TRUB1: variants seen among roughly 807,000 people sequenced by gnomAD.
The protein encoded by TRUB1 is TruB pseudouridine synthase family member 1.
In TRUB1, 23 loss-of-function variants were observed where a neutral mutation model predicts 33.9. The observed-to-expected ratio is 0.68, with a 90% CI of 0.49 to 0.96. The LOEUF (loss-of-function observed/expected upper bound fraction) is 0.96. Ranked by LOEUF, TRUB1 falls within the 40% of genes least tolerant of loss-of-function variation. The pLI, the probability that TRUB1 is intolerant of heterozygous loss-of-function variation, is 0.00. For missense variants in TRUB1, 378 were observed against 422.2 expected, an observed-to-expected ratio of 0.90 and a Z score of 0.92; for synonymous variants, 163 against 165.4, an observed-to-expected ratio of 0.99 and a Z score of 0.11.
rs187459112 is a variant in TRUB1 at position 114,952,161 on chromosome 10, G to A, written c.441+1012G>A. On this transcript the variant is annotated intron_variant, in intron 3 of 7. Coordinates refer to ENST00000298746, the MANE Select transcript of TRUB1 (RefSeq NM_139169.5). ...AAGTATTAAAATAAAAGCCCTGACC[G>A]AGCGTGGTGTCTCATGCCTGTAATC... is the stretch of plus-strand genomic sequence containing the variant. 6.2e-4 allele frequency among the ~76,000 whole-genome samples: 94 copies of A among 152,278 alleles called. 1 individual carries two copies. The East Asian group carries it at 0.012, about 20-fold the overall frequency.
At chr10:114,957,764 C>T (rs889599304) in intron 3 of TRUB1, among the ~76,000 whole-genome samples, 4 of 152,106 alleles carry the variant, frequency 2.6e-5, no homozygotes, top group Admixed American at 6.5e-5. Flanking sequence ...AGTTCAAACT[C>T]GTTGCAGAGC....
At chr10:114,967,134 C>A (rs1005394517) in intron 4 of TRUB1, among the ~76,000 whole-genome samples, 51 of 152,080 alleles carry the variant, frequency 3.4e-4, no homozygotes, top group African/African-American at 1.2e-3. Flanking sequence ...TGTGTATTTT[C>A]CTCAAATTCC....
chr10:114,968,998 T>G (rs2084322910), intron 4 of TRUB1, among the ~76,000 whole-genome samples: 1 of 152,196 alleles, frequency 6.6e-6, no homozygotes, highest in Admixed American at 6.5e-5. Context: ...TTATAGAATA[T>G]TTCTGTGATT....
Position 114,947,321 on chromosome 10 carries a change from TA to T in TRUB1, c.386-3768del, listed in dbSNP as rs1272403756. Among the ~76,000 whole-genome samples, 11 of 148,494 alleles carry T rather than the reference TA, an allele frequency of 7.4e-5. No homozygotes were observed. The East Asian group carries it at 1.9e-3, about 26-fold the overall frequency. ...GCTTCTCACCTCCCCAACTATGTGATAAAAAGTTTGTATTGTTTTAAGACAG... is the reference window on the plus strand; with the variant it reads ...GCTTCTCACCTCCCCAACTATGTGATAAAAGTTTGTATTGTTTTAAGACAG... On this transcript the variant is annotated intron_variant, in intron 2 of 7. Coordinates refer to ENST00000298746, the MANE Select transcript of TRUB1 (RefSeq NM_139169.5).
intron 2 of TRUB1, among the ~76,000 whole-genome samples, chr10:114,950,385 GCA>G (rs1473363447): frequency 1.6e-4 from 25 of 152,254 alleles, no homozygotes; most frequent in African/African-American, 6.0e-4. Flanking sequence ...GTGTTCTTAT[GCA>G]CAGTTATATC....
chr10:114,944,698 A>G (rs1268170592), intron 2 of TRUB1, among the ~76,000 whole-genome samples: 1 of 152,066 alleles, frequency 6.6e-6, no homozygotes, highest in African/African-American at 2.4e-5. Flanking sequence ...AATAGAAAAA[A>G]ATCAGGCTGG....
chr10:114,946,955 A>G (rs990976598), intron 2 of TRUB1, among the ~76,000 whole-genome samples: 1 of 152,154 alleles, frequency 6.6e-6, no homozygotes, highest in Non-Finnish European at 1.5e-5. Flanking sequence ...TTGTAGATGG[A>G]ATTGATGTTG....
chr10:114,965,702 G>T (rs74475451), intron 4 of TRUB1, among the ~76,000 whole-genome samples: 1 of 152,012 alleles, frequency 6.6e-6, no homozygotes, highest in Non-Finnish European at 1.5e-5. Flanking sequence ...TCTTTGTTAG[G>T]AAGGTTTTAA....
intron 4 of TRUB1, among the ~76,000 whole-genome samples, chr10:114,968,831 A>G (rs895199377): frequency 3.3e-5 from 5 of 152,226 alleles, no homozygotes; most frequent in Non-Finnish European, 5.9e-5. Context: ...TAATTCTGGT[A>G]TTGGAAGAAT....
At chr10:114,951,184 T>C (rs775577373) in intron 3 of TRUB1, 35 bp downstream of exon 3, 1 of 1,538,398 alleles carries the variant, frequency 6.5e-7, no homozygotes, top group Admixed American at 1.7e-5. Context: ...TTTTCTTTAA[T>C]GTTCTTAATG....
intron 4 of TRUB1, 78 bp downstream of exon 4, chr10:114,959,885 T>A: frequency 1.2e-6 from 1 of 812,008 alleles, no homozygotes; most frequent in South Asian, 1.7e-5. Context: ...TTAAAACAAA[T>A]CTCTGATATT....
chr10:114,941,129 T>A (rs1486598361), intron 1 of TRUB1, among the ~76,000 whole-genome samples: 1 of 152,150 alleles, frequency 6.6e-6, no homozygotes, highest in Non-Finnish European at 1.5e-5. Context: ...TCAGTGTCAG[T>A]GTTGATAAGG....
chr10:114,963,050 A>G lies in TRUB1; in HGVS notation c.523+3243A>G, dbSNP rs140256249. On this transcript the variant is annotated intron_variant, in intron 4 of 7. Coordinates refer to ENST00000298746, the MANE Select transcript of TRUB1 (RefSeq NM_139169.5). ...ATCTGTTCTCCGCTGAGCTAAGGAC[A>G]CTAAGACCATAGCTTCCCAGGCTAG... is the stretch of plus-strand genomic sequence containing the variant. Among the ~76,000 whole-genome samples, 109 of 152,310 alleles carry G rather than the reference A, an allele frequency of 7.2e-4. 1 individual carries two copies. The East Asian group carries it at 0.018, about 25-fold the overall frequency.
Position 114,970,444 on chromosome 10 carries a change from A to C in TRUB1, c.596+4A>C, listed in dbSNP as rs778729220. ...ATATAATGCAAGTGCCCCCCCTGTA[A>C]GTTCAATTAGTAAATTTGGAAAAAT... On this transcript the variant is annotated splice_donor_region_variant and intron_variant, in intron 5 of 7. Transcript: ENST00000298746. 6.3e-7 allele frequency: 1 copy of C among 1,596,886 alleles called. No individual in the cohort carries two copies. Among genetic ancestry groups the C allele is most frequent in the Non-Finnish European group, 8.6e-7 (1 of 1,165,224 alleles).
At chr10:114,959,639 A>G in intron 3 of TRUB1, 87 bp from the exon 4 acceptor site, 2 of 815,262 alleles carry the variant, frequency 2.5e-6, no homozygotes, top group Non-Finnish European at 4.3e-6. Flanking sequence ...TGGTAGTAGT[A>G]GTGAAATTCT....
chr10:114,974,356 T>A lies in TRUB1; in HGVS notation c.764T>A (p.Ile255Asn), dbSNP rs1463516883. 6.2e-7 allele frequency: 1 copy of A among 1,613,018 alleles called. No individual in the cohort carries two copies. The highest frequency in any genetic ancestry group is 1.1e-5 in the South Asian group (1 of 91,036). The change falls in exon 7 of 8, where the codon ATC (isoleucine) becomes AAC (asparagine). Residue 255 changes from isoleucine (I) to asparagine (N), a missense_variant. Ile to Asn is a moderately radical substitution (Grantham distance 149). Coordinates refer to ENST00000298746, the MANE Select transcript of TRUB1 (RefSeq NM_139169.5). The stretch of plus-strand genomic sequence containing the variant: ...GTTGAATGTGGAGGAGGTTTTTATA[T>A]CAGAAGCTTGGTCAGTGACATTGGA... ...LDVECGGGFY[I>N]RSLVSDIGKE...
In TRUB1 at chr10:114,938,401, A is replaced by G. The variant is rs2084169667; in HGVS notation, c.148A>G (p.Thr50Ala). ...AAAVVAAAAR[T>A]GSEARVSKAA... ...CGCGGTGGTTGCGGCCGCGGCCAGG[A>G]CCGGATCCGAAGCCAGGGTCTCCAA... Residue 50 changes from threonine to alanine, a missense_variant, in exon 1 of 8, where the codon ACC becomes GCC. Coordinates refer to ENST00000298746, the MANE Select transcript of TRUB1 (RefSeq NM_139169.5). The G allele has an allele frequency of 3.1e-6, 5 of 1,604,452 alleles. No homozygotes were observed. The highest frequency in any genetic ancestry group is 3.4e-6 in the Non-Finnish European group (4 of 1,175,312).
intron 4 of TRUB1, chr10:114,960,054 A>C: frequency 2.5e-6 from 1 of 401,616 alleles, no homozygotes. Flanking sequence ...TATTCTTCCA[A>C]ATAACCTCCT....
At chr10:114,944,131 A>G (rs1427023438) in intron 2 of TRUB1, among the ~76,000 whole-genome samples, 2 of 151,288 alleles carry the variant, frequency 1.3e-5, no homozygotes, top group Non-Finnish European at 2.9e-5. Context: ...AGAACTACCT[A>G]CATACATTGG....
Sources: allele counts gnomAD v4.1 joint callset (sites outside exome capture counted in the v4.1 genomes callset), GRCh38; gene constraint gnomAD v4.1.1; transcripts MANE v1.5; gene names NCBI Gene and HGNC (gene_info 2026-07-23, HGNC 2026-07-21).